PPP1R14A: variants seen among roughly 807,000 people sequenced by gnomAD.
The protein encoded by PPP1R14A is protein phosphatase 1 regulatory inhibitor subunit 14A, also known as protein phosphatase 1 regulatory subunit 14A.
In PPP1R14A, 9 loss-of-function variants were observed where a neutral mutation model predicts 14.1. The observed-to-expected ratio is 0.64, with a 90% CI of 0.38 to 1.11. The LOEUF is 1.11. PPP1R14A is among the 50% of genes most tolerant of loss of function. The pLI is 0.01. For synonymous variants in PPP1R14A, 93 were observed against 88.7 expected (o/e 1.05, Z -0.27); for missense variants, 208 against 200.7 (o/e 1.04, Z -0.22).
Position 38,252,954 on chromosome 19 carries a change from C to A in PPP1R14A, c.222G>T (p.Glu74Asp). ...ACTCCAACAATTCATCAATGTTGAT[C>A]TCATCGGGCATGTCTGCCTCCTAGG... ...YRGMEADMPDEINIDELLELE... is the reference protein window; with the variant it reads ...YRGMEADMPDDINIDELLELE... Residue 74 changes from glutamate to aspartate, a missense_variant, in exon 2 of 4, where the codon GAG (glutamate) becomes GAT (aspartate). Transcript: ENST00000301242. This position sits in a 1 kb window ranked among gnomAD's most constrained non-coding sequence, Gnocchi z 4.1. 6.2e-7 allele frequency: 1 copy of A among 1,614,014 alleles called. No homozygotes were observed.
intron 1 of PPP1R14A, among the ~76,000 whole-genome samples, chr19:38,253,665 C>T (rs1600317758): frequency 1.3e-5 from 2 of 152,348 alleles, no homozygotes; most frequent in East Asian, 1.9e-4. Context: ...CCCCAGCTGT[C>T]GAGGGAGCAA....
rs1600315732 is a variant in PPP1R14A at position 38,251,458 on chromosome 19, T to G, written c.316-12A>C. 1 of 1,536,342 alleles carries G rather than the reference T, an allele frequency of 6.5e-7. No homozygotes were observed. On this transcript the variant is annotated splice_polypyrimidine_tract_variant and intron_variant, in intron 3 of 3. Coordinates refer to ENST00000301242, the MANE Select transcript of PPP1R14A (RefSeq NM_033256.3). ...TCCTGGATGAAGTCCTGAGACAGGG[T>G]GGGGGAGCTGAGAACATGGGAACAG...
rs200713746 is a variant in PPP1R14A, at chr19:38,256,093, G to A, written c.201+46C>T. 3.4e-6 allele frequency: 5 copies of A among 1,491,600 alleles called. No homozygotes were observed. The East Asian group carries it at 1.0e-4, about 30-fold the overall frequency. The allele number at this position is 1,491,600 out of a possible 1,614,324, so 92.4% of individuals were successfully genotyped here. On this transcript the variant is annotated intron_variant, in intron 1 of 3. Coordinates refer to ENST00000301242, the MANE Select transcript of PPP1R14A (RefSeq NM_033256.3). The surrounding 1 kb of genome is among the most constrained non-coding windows in gnomAD (Gnocchi z 5.7). The stretch of plus-strand genomic sequence containing the variant: ...CCAAGGGCGTGGGGTCTCCGCGCCC[G>A]GGCTCTATCTGTCCCCGACCACCCC...
intron 1 of PPP1R14A, among the ~76,000 whole-genome samples, 169 bp downstream of exon 1, chr19:38,255,970 G>A (rs904574802): frequency 3.9e-5 from 6 of 151,956 alleles, no homozygotes; most frequent in African/African-American, 1.5e-4. Context: ...CAATGCCATA[G>A]AGCACGGATG....
chr19:38,251,331 G>A lies in PPP1R14A; in HGVS notation c.431C>T (p.Thr144Ile). 4 of 1,520,658 alleles carry A rather than the reference G, an allele frequency of 2.6e-6. No individual in the cohort carries two copies. Among genetic ancestry groups the A allele is most frequent in the Middle Eastern group, 3.5e-4 (2 of 5,774 alleles). 94.2% of individuals were successfully genotyped at this position (1,520,658 alleles called of 1,614,324 possible). A position where few individuals can be genotyped will look rare whatever the true frequency, so the allele number is the denominator to read the frequency against. The change falls in exon 4 of 4, where the codon ACT becomes ATT. Residue 144 changes from threonine to isoleucine, a missense_variant. Transcript: ENST00000301242. Reference sequence around the variant, plus strand: ...AGTGCAAGAGGGTCAGGGGTGAGCAGTCCGGGCCCGGTCCTGGAGGGGGCT... The same window carrying A: ...AGTGCAAGAGGGTCAGGGGTGAGCAATCCGGGCCCGGTCCTGGAGGGGGCT... Reference protein sequence around the residue: ...SLSPLQDRARTAHP With the variant: ...SLSPLQDRARIAHP
rs1463534277 is a variant in PPP1R14A at position 38,256,022 on chromosome 19, T to C, written c.201+117A>G. 4.2e-6 allele frequency: 4 copies of C among 953,438 alleles called. No individual in the cohort carries two copies. Among genetic ancestry groups the C allele is most frequent in the Non-Finnish European group, 6.0e-6 (4 of 661,418 alleles). 59.1% of individuals were successfully genotyped at this position (953,438 alleles called of 1,614,324 possible). A position where few individuals can be genotyped will look rare whatever the true frequency, so the allele number is the denominator to read the frequency against. On this transcript the variant is annotated intron_variant, in intron 1 of 3. Coordinates refer to ENST00000301242, the MANE Select transcript of PPP1R14A (RefSeq NM_033256.3). This position sits in a 1 kb window ranked among gnomAD's most constrained non-coding sequence, Gnocchi z 5.7. The stretch of plus-strand genomic sequence containing the variant: ...CCCGGCCCTGGGGCGCTCGTCCTCT[T>C]GTGCAGACCAGGCTGGCCGTGCACC...
intron 1 of PPP1R14A, among the ~76,000 whole-genome samples, chr19:38,253,890 T>C (rs1968218213): frequency 6.6e-6 from 1 of 152,184 alleles, no homozygotes; most frequent in South Asian, 2.1e-4. Context: ...GTGCAGTGGC[T>C]TCGTATAGTG....
intron 1 of PPP1R14A, among the ~76,000 whole-genome samples, chr19:38,255,532 G>C (rs1968237135): frequency 6.6e-6 from 1 of 152,162 alleles, no homozygotes. Context: ...TTGTGTTCCA[G>C]TGGGGTTGTG....
chr19:38,251,368 C>A lies in PPP1R14A; in HGVS notation c.394G>T (p.Asp132Tyr). The change falls in exon 4 of 4, where the codon GAC becomes TAC. Residue 132 changes from aspartate (D) to tyrosine (Y), a missense_variant. Physicochemically the swap from Asp to Tyr is radical, Grantham distance 160. Transcript: ENST00000301242. Reference protein sequence around the residue: ...PGLRQPSPSHDGSLSPLQDRA... With the variant: ...PGLRQPSPSHYGSLSPLQDRA... ...TCCTGGAGGGGGCTGAGGCTGCCGT[C>A]GTGGGAGGGGCTTGGCTGGCGGAGG... 6.4e-7 allele frequency: 1 copy of A among 1,554,264 alleles called. No individual in the cohort carries two copies. Among genetic ancestry groups the A allele is most frequent in the East Asian group, 2.5e-5 (1 of 40,600 alleles).
At chr19:38,251,903 A>C in intron 3 of PPP1R14A, 1 of 328,338 alleles carries the variant, frequency 3.0e-6, no homozygotes, top group East Asian at 5.7e-5. Flanking sequence ...CAGGGAAGGA[A>C]GTGGGAGGGG....
At chr19:38,255,086 TAC>T (rs1255331902) in intron 1 of PPP1R14A, among the ~76,000 whole-genome samples, 2 of 152,080 alleles carry the variant, frequency 1.3e-5, no homozygotes, top group African/African-American at 4.8e-5. Flanking sequence ...GCCCGGTGCT[TAC>T]ACAGTTTTAT....
intron 1 of PPP1R14A, among the ~76,000 whole-genome samples, chr19:38,254,264 T>C (rs909704763): frequency 4.6e-5 from 7 of 152,106 alleles, no homozygotes; most frequent in African/African-American, 1.7e-4. Context: ...GCCTAGGAGT[T>C]CAAGATCAGC....
At position 38,252,758 on chromosome 19, in the gene PPP1R14A, TTAAG is replaced by T. The variant is rs947404343; in HGVS notation, c.282+132_282+135del. ...CCTGCTTCGGAGGGTTTTGTGAGGGTTAAGTGAGTGAATACATGTAAAGCCATCA... is the reference window on the plus strand; with the variant it reads ...CCTGCTTCGGAGGGTTTTGTGAGGGTTGAGTGAATACATGTAAAGCCATCA... On this transcript the variant is annotated intron_variant, in intron 2 of 3. Coordinates refer to ENST00000301242, the MANE Select transcript of PPP1R14A (RefSeq NM_033256.3). The surrounding 1 kb of genome is among the most constrained non-coding windows in gnomAD (Gnocchi z 4.1). 8.0e-6 allele frequency: 6 copies of T among 749,978 alleles called. No individual in the cohort carries two copies. In the African/African-American group the frequency reaches 1.0e-4, roughly 13 times the overall value. 46.5% of individuals were successfully genotyped at this position (749,978 alleles called of 1,614,324 possible). A position where few individuals can be genotyped will look rare whatever the true frequency, so the allele number is the denominator to read the frequency against.
intron 1 of PPP1R14A, 50 bp from the exon 2 acceptor site, chr19:38,253,024 C>G (rs775439343): frequency 6.8e-7 from 1 of 1,462,648 alleles, no homozygotes. Context: ...CTCCCTCCCT[C>G]GCCTTTGTCC....
chr19:38,251,332 T>TCCGGGC lies in PPP1R14A; in HGVS notation c.424_429dup (p.Ala142_Arg143dup), dbSNP rs749320676. On this transcript the variant is annotated inframe_insertion, in exon 4 of 4. Transcript: ENST00000301242. ...GTGCAAGAGGGTCAGGGGTGAGCAG[T>TCCGGGC]CCGGGCCCGGTCCTGGAGGGGGCTG... is the stretch of plus-strand genomic sequence containing the variant. The TCCGGGC allele has an allele frequency of 1.2e-5, 19 of 1,520,750 alleles. No homozygotes were observed. In the East Asian group the frequency reaches 5.0e-4, roughly 40 times the overall value. 94.2% of individuals were successfully genotyped at this position (1,520,750 alleles called of 1,614,324 possible).
At position 38,253,159 on chromosome 19, in the gene PPP1R14A, T is replaced by G. The variant is rs915213099; in HGVS notation, c.202-185A>C. ...GGTGTTGGGGGGGAGGGGTGACAGA[T>G]GGGCTGAGAGAGCCCCGGGGCCCTG... On this transcript the variant is annotated intron_variant, in intron 1 of 3. Transcript: ENST00000301242. The G allele has an allele frequency of 6.2e-5, 36 of 582,320 alleles. No individual in the cohort carries two copies. In the Middle Eastern group the frequency reaches 1.4e-3, roughly 23 times the overall value. 36.1% of individuals were successfully genotyped at this position (582,320 alleles called of 1,614,324 possible).
intron 3 of PPP1R14A, 87 bp from the exon 4 acceptor site, chr19:38,251,533 C>T (rs1968190266): frequency 1.6e-6 from 2 of 1,281,948 alleles, no homozygotes; most frequent in African/African-American, 1.6e-5. Flanking sequence ...ACCTGGGCGC[C>T]TCCTCCTGTT....
chr19:38,251,737 A>C, intron 3 of PPP1R14A: 2 of 465,964 alleles, frequency 4.3e-6, no homozygotes, highest in Non-Finnish European at 3.7e-6. Context: ...ACAGAGAGAC[A>C]TGTAGAGATA....
chr19:38,251,712 G>C (rs900123224), intron 3 of PPP1R14A, among the ~76,000 whole-genome samples: 22 of 151,982 alleles, frequency 1.4e-4, no homozygotes, highest in Non-Finnish European at 2.8e-4. Flanking sequence ...GGGAGGGGGA[G>C]AAACAGACAC....
Sources: gnomAD v4.1 joint callset for allele counts (sites outside exome capture counted in the v4.1 genomes callset) on GRCh38, gnomAD v4.1.1 for gene constraint, Gnocchi (gnomAD v3.1) non-coding constraint, MANE v1.5 for transcripts, NCBI Gene and HGNC (gene_info 2026-07-23, HGNC 2026-07-21) for gene names.